SMR3B: variants seen among roughly 807,000 people sequenced by gnomAD.
The protein encoded by SMR3B is submaxillary gland androgen-regulated protein 3B.
For synonymous variants in SMR3B, 42 were observed against 36.1 expected, an observed-to-expected ratio of 1.16 and a Z score of -0.59; for missense variants, 114 against 99.9, an observed-to-expected ratio of 1.14 and a Z score of -0.60.
chr4:70,384,552 A>C lies in SMR3B; in HGVS notation c.42A>C (p.Ala14=), dbSNP rs757116303. The change falls in exon 2 of 3, where the codon GCA becomes GCC. Residue 14 remains alanine (A), a synonymous_variant. Coordinates refer to ENST00000304915, the MANE Select transcript of SMR3B (RefSeq NM_006685.4). Reference sequence around the variant, plus strand: ...GGATCTTGGGCCTTTGGGCTCTTGCAGCGTGTTTCACAGTAAGTATCATTA... The same window carrying C: ...GGATCTTGGGCCTTTGGGCTCTTGCCGCGTGTTTCACAGTAAGTATCATTA... ...LTWILGLWAL[A]ACFTPGESQR... The C allele has an allele frequency of 3.7e-6, 6 of 1,609,682 alleles. No homozygotes were observed. Among genetic ancestry groups the C allele is most frequent in the Non-Finnish European group, 5.1e-6 (6 of 1,177,514 alleles).
intron 2 of SMR3B, chr4:70,384,819 T>C: frequency 2.0e-6 from 1 of 494,664 alleles, no homozygotes; most frequent in South Asian, 3.7e-5. Flanking sequence ...AATGTTAAGT[T>C]CCCATACTCT....
At chr4:70,383,719 C>T (rs189670553) in intron 1 of SMR3B, among the ~76,000 whole-genome samples, 51 of 152,280 alleles carry the variant, frequency 3.3e-4, no homozygotes, top group African/African-American at 1.2e-3. Flanking sequence ...GCTCAGACCA[C>T]ACACTCAACC....
chr4:70,385,234 A>G (rs1262605993), intron 2 of SMR3B: 1 of 152,202 alleles, frequency 6.6e-6, no homozygotes, highest in East Asian at 1.9e-4. Context: ...CAGAAAGAGA[A>G]TATTAATTCC....
chr4:70,386,658 C>T (rs1047363325), intron 2 of SMR3B, among the ~76,000 whole-genome samples: 3 of 151,938 alleles, frequency 2.0e-5, no homozygotes, highest in Admixed American at 6.6e-5. Context: ...TAGCCAGTTG[C>T]GGAAAGGGAG....
At chr4:70,385,368 A>G (rs1237009924) in intron 2 of SMR3B, among the ~76,000 whole-genome samples, 2 of 150,706 alleles carry the variant, frequency 1.3e-5, no homozygotes, top group African/African-American at 5.0e-5. Flanking sequence ...GAAACATGAA[A>G]CATAAAATAA....
At chr4:70,383,860 C>T (rs1282952581) in intron 1 of SMR3B, among the ~76,000 whole-genome samples, 2 of 152,106 alleles carry the variant, frequency 1.3e-5, no homozygotes, top group African/African-American at 4.8e-5. Flanking sequence ...AATACCTGGA[C>T]ATCTCCATGT....
At chr4:70,385,981 A>G (rs939276622) in intron 2 of SMR3B, among the ~76,000 whole-genome samples, 1 of 151,930 alleles carries the variant, frequency 6.6e-6, no homozygotes, top group Non-Finnish European at 1.5e-5. Flanking sequence ...TTTGAAAAAG[A>G]TAACTTTCTG....
At chr4:70,386,678 G>A (rs554738345) in intron 2 of SMR3B, among the ~76,000 whole-genome samples, 1 of 152,276 alleles carries the variant, frequency 6.6e-6, no homozygotes, top group South Asian at 2.1e-4. Context: ...GCTAATCAAT[G>A]TGATTGGGTA....
chr4:70,389,610 A>G (rs1200995404), intron 2 of SMR3B, 53 bp from the exon 3 acceptor site: 1 of 1,557,652 alleles, frequency 6.4e-7, no homozygotes, highest in Non-Finnish European at 8.8e-7. Flanking sequence ...ATTCACCCTT[A>G]TATTTAACTG....
chr4:70,385,398 G>GTTTTTTTTTTTT (rs71210170), intron 2 of SMR3B, among the ~76,000 whole-genome samples: 1 of 107,052 alleles, frequency 9.3e-6, no homozygotes, highest in African/African-American at 3.8e-5. Flanking sequence ...CATCTACTTT[G>GTTTTTTTTTTTT]TTTTTTTTTT....
Position 70,389,888 on chromosome 4 carries a change from C to G in SMR3B, c.*40C>G, listed in dbSNP as rs1435932970. 6.2e-7 allele frequency: 1 copy of G among 1,610,582 alleles called. No homozygotes were observed. Among genetic ancestry groups the G allele is most frequent in the Admixed American group, 1.7e-5 (1 of 59,952 alleles). ...TCCTGATGCCCCAGGTTATCCACAG[C>G]CTCCTTCCCGACCAAGACCCTATCC... On this transcript the variant is annotated 3_prime_UTR_variant, in exon 3 of 3. Coordinates refer to ENST00000304915, the MANE Select transcript of SMR3B (RefSeq NM_006685.4).
In SMR3B at chr4:70,390,220, G is replaced by C. The variant is rs1019342050; in HGVS notation, c.*372G>C. ...CAGACATAACATTTATACCAATGAG[G>C]CAAAAATAAAGAATTGAGCACCAAT... On this transcript the variant is annotated 3_prime_UTR_variant, in exon 3 of 3. Transcript: ENST00000304915. 1 of 513,590 alleles carries C rather than the reference G, an allele frequency of 1.9e-6. No individual in the cohort carries two copies. Among genetic ancestry groups the C allele is most frequent in the African/African-American group, 1.9e-5 (1 of 51,904 alleles). 31.8% of individuals were successfully genotyped at this position (513,590 alleles called of 1,614,324 possible).
At position 70,384,564 on chromosome 4, in the gene SMR3B, A is replaced by T; in HGVS notation, c.54A>T (p.Thr18=). The T allele has an allele frequency of 6.2e-7, 1 of 1,604,832 alleles. No individual in the cohort carries two copies. Among genetic ancestry groups the T allele is most frequent in the Non-Finnish European group, 8.5e-7 (1 of 1,174,898 alleles). ...LGLWALAACF[T]PGESQRGPRG... ...TTTGGGCTCTTGCAGCGTGTTTCAC[A>T]GTAAGTATCATTAATCACGATCACA... Residue 18 remains threonine, a splice_region_variant and synonymous_variant, in exon 2 of 3, where the codon ACA becomes ACT. Transcript: ENST00000304915.
chr4:70,389,191 T>G (rs1732715473), intron 2 of SMR3B, among the ~76,000 whole-genome samples: 1 of 152,216 alleles, frequency 6.6e-6, no homozygotes, highest in South Asian at 2.1e-4. Context: ...CTTGGCTTAG[T>G]TGGCTTCTCT....
intron 2 of SMR3B, 53 bp downstream of exon 2, chr4:70,384,617 A>G: frequency 6.5e-7 from 1 of 1,538,972 alleles, no homozygotes; most frequent in Non-Finnish European, 8.8e-7. Flanking sequence ...ATTAACCATT[A>G]CTTCAGATTT....
At chr4:70,384,009 T>C (rs2109759767) in intron 1 of SMR3B, among the ~76,000 whole-genome samples, 1 of 94,196 alleles carries the variant, frequency 1.1e-5, no homozygotes, top group South Asian at 3.3e-4. Context: ...TCCAACAGGG[T>C]GATTCCTTTT....
chr4:70,386,753 G>A (rs1365417145), intron 2 of SMR3B, among the ~76,000 whole-genome samples: 4 of 152,126 alleles, frequency 2.6e-5, no homozygotes, highest in Non-Finnish European at 5.9e-5. Flanking sequence ...TTTAGGAGGC[G>A]AGGGCACTTT....
chr4:70,387,558 C>G (rs1273567306), intron 2 of SMR3B, among the ~76,000 whole-genome samples: 1 of 152,112 alleles, frequency 6.6e-6, no homozygotes, highest in Non-Finnish European at 1.5e-5. Flanking sequence ...AAAGGGAAGA[C>G]TGACAGAGCC....
chr4:70,388,569 AAG>A (rs1403951483), intron 2 of SMR3B, among the ~76,000 whole-genome samples: 1 of 152,176 alleles, frequency 6.6e-6, no homozygotes, highest in African/African-American at 2.4e-5. Context: ...GATGAGAAAA[AAG>A]AGACTCAAAC....
Sources: gnomAD v4.1 joint callset for allele counts (sites outside exome capture counted in the v4.1 genomes callset) on GRCh38, gnomAD v4.1.1 for gene constraint, MANE v1.5 for transcripts, NCBI Gene and HGNC (gene_info 2026-07-23, HGNC 2026-07-21) for gene names.